The following GABRG3 variants were observed in gnomAD, a reference collection of about 807,000 sequenced individuals.
GABRG3 encodes the protein gamma-aminobutyric acid type A receptor subunit gamma3, also known as gamma-aminobutyric acid receptor subunit gamma-3.
A neutral mutation model predicts 48.8 loss-of-function variants in GABRG3; 25 were observed. The observed-to-expected ratio is 0.51, with a 90% confidence interval of 0.37 to 0.72. The LOEUF (loss-of-function observed/expected upper bound fraction) is 0.72, where lower values mean the gene tolerates loss of function less well. Ranked by LOEUF, GABRG3 falls within the 30% of genes least tolerant of loss-of-function variation. The probability of loss-of-function intolerance (pLI) is 0.00; values close to 1 mark genes in which losing one functional copy is unlikely to be tolerated. For synonymous variants in GABRG3, 227 were observed against 217.6 expected (o/e 1.04, Z -0.38); for missense variants, 394 against 577.9 (o/e 0.68, Z 3.26).
At chr15:27,499,023 T>C (rs1012826079) in intron 6 of GABRG3, among the ~76,000 whole-genome samples, 1 of 152,170 alleles carries the variant, frequency 6.6e-6, no homozygotes, top group Non-Finnish European at 1.5e-5. Context: ...AGATATCTGC[T>C]CATCAGTACT....
intron 3 of GABRG3, among the ~76,000 whole-genome samples, chr15:27,168,144 A>C (rs1402198583): frequency 6.6e-6 from 1 of 152,094 alleles, no homozygotes; most frequent in Non-Finnish European, 1.5e-5. Context: ...GTTAAAAAAA[A>C]AAAAAGGGAA....
chr15:27,133,633 A>G (rs983022333), intron 3 of GABRG3, among the ~76,000 whole-genome samples: 2 of 152,208 alleles, frequency 1.3e-5, no homozygotes, highest in Non-Finnish European at 2.9e-5. Flanking sequence ...TTTGCTTTCT[A>G]AAATCCAAAT....
At chr15:27,240,941 A>T (rs1890112289) in intron 3 of GABRG3, among the ~76,000 whole-genome samples, 2 of 152,186 alleles carry the variant, frequency 1.3e-5, no homozygotes, top group African/African-American at 4.8e-5. Context: ...TTTCATATGG[A>T]ATCCTGATAA....
chr15:27,300,025 C>G (rs1892140414), intron 3 of GABRG3, among the ~76,000 whole-genome samples: 1 of 152,104 alleles, frequency 6.6e-6, no homozygotes, highest in Admixed American at 6.6e-5. Flanking sequence ...TGATAGACAG[C>G]TGCCTAGGTT....
rs1894910999 is a variant in GABRG3 at position 26,974,926 on chromosome 15, T to C, written c.54-2076T>C. ...TCTCGCTCTGTTGCCCAGGCTGGAG[T>C]GCAGTGACACTATCTCGGCTCACTG... On this transcript the variant is annotated intron_variant, in intron 1 of 9. Transcript: ENST00000615808. The surrounding 1 kb of genome is among the most constrained non-coding windows in gnomAD (Gnocchi z 4.3). 6.6e-6 allele frequency among the ~76,000 whole-genome samples: 1 copy of C among 150,664 alleles called. No individual in the cohort carries two copies. The highest frequency in any genetic ancestry group is 2.4e-5 in the African/African-American group (1 of 41,074).
intron 5 of GABRG3, among the ~76,000 whole-genome samples, chr15:27,334,318 T>A (rs1893894037): frequency 6.6e-6 from 1 of 152,088 alleles, no homozygotes; most frequent in Non-Finnish European, 1.5e-5. Context: ...GCATATACAC[T>A]TCTGTAAGCT....
intron 3 of GABRG3, among the ~76,000 whole-genome samples, chr15:27,054,406 A>G (rs1595496337): frequency 6.6e-6 from 1 of 152,160 alleles, no homozygotes; most frequent in African/African-American, 2.4e-5. Flanking sequence ...GTACCCCCTG[A>G]ATCTAAAATA....
chr15:27,010,248 T>G (rs1336670997), intron 2 of GABRG3, among the ~76,000 whole-genome samples: 1 of 152,206 alleles, frequency 6.6e-6, no homozygotes, highest in Admixed American at 6.5e-5. Flanking sequence ...GTGCCACCCC[T>G]CCTCCATAGG....
chr15:27,153,122 A>G (rs1898352204), intron 3 of GABRG3, among the ~76,000 whole-genome samples: 1 of 152,114 alleles, frequency 6.6e-6, no homozygotes, highest in South Asian at 2.1e-4. Context: ...CGGCCTCCCA[A>G]AGTGCTGGGA....
At chr15:27,027,870 T>C (rs1361715824) in intron 3 of GABRG3, among the ~76,000 whole-genome samples, 1 of 152,244 alleles carries the variant, frequency 6.6e-6, no homozygotes, top group African/African-American at 2.4e-5. Context: ...CCCTTTCTTA[T>C]GTATGTTTCT....
chr15:27,103,702 C>G (rs1897399900), intron 3 of GABRG3, among the ~76,000 whole-genome samples: 1 of 152,150 alleles, frequency 6.6e-6, no homozygotes. Context: ...ATTTGCCTTT[C>G]CATTCCTTGT....
chr15:27,171,301 T>A (rs954046946), intron 3 of GABRG3, among the ~76,000 whole-genome samples: 1 of 152,194 alleles, frequency 6.6e-6, no homozygotes, highest in Non-Finnish European at 1.5e-5. Flanking sequence ...TGGAATCCTT[T>A]CACTTTATTT....
intron 3 of GABRG3, among the ~76,000 whole-genome samples, chr15:27,154,877 C>G (rs765703956): frequency 6.6e-5 from 10 of 151,908 alleles, no homozygotes; most frequent in Admixed American, 6.6e-4. Context: ...CCTTCCTTAT[C>G]TATTTTCTGG....
intron 3 of GABRG3, among the ~76,000 whole-genome samples, chr15:27,222,291 A>C (rs1281813910): frequency 6.6e-6 from 1 of 152,370 alleles, no homozygotes; most frequent in East Asian, 1.9e-4. Flanking sequence ...CTAAGGCAGC[A>C]GTGCACCCAC....
intron 3 of GABRG3, among the ~76,000 whole-genome samples, chr15:27,213,421 G>T (rs949342949): frequency 6.6e-6 from 1 of 152,204 alleles, no homozygotes; most frequent in African/African-American, 2.4e-5. Context: ...AGGCACAAAA[G>T]GGCTGAAGAA....
intron 5 of GABRG3, among the ~76,000 whole-genome samples, chr15:27,434,465 G>A (rs1888548396): frequency 6.6e-6 from 1 of 152,018 alleles, no homozygotes; most frequent in Non-Finnish European, 1.5e-5. Flanking sequence ...GTAGTGAACA[G>A]TGAATGATTT....
rs1888970251 is a variant in GABRG3 at position 27,447,239 on chromosome 15, C to T, written c.575-33411C>T. 6.6e-6 allele frequency among the ~76,000 whole-genome samples: 1 copy of T among 152,086 alleles called. No individual in the cohort carries two copies. On this transcript the variant is annotated intron_variant, in intron 5 of 9. Coordinates refer to ENST00000615808, the MANE Select transcript of GABRG3 (RefSeq NM_033223.5). This position sits in a 1 kb window ranked among gnomAD's most constrained non-coding sequence, Gnocchi z 4.0. ...ACATAATTATAGGCAAAATCAGAGT[C>T]AAAAGAGACAGGCATGTCCCAGAAG...
intron 2 of GABRG3, among the ~76,000 whole-genome samples, chr15:27,005,342 A>G (rs1409571431): frequency 6.6e-6 from 1 of 152,176 alleles, no homozygotes; most frequent in Admixed American, 6.5e-5. Flanking sequence ...CTGGGACTAC[A>G]GGAGCAGGCC....
At chr15:27,478,097 T>C (rs1196884226) in intron 5 of GABRG3, among the ~76,000 whole-genome samples, 1 of 151,218 alleles carries the variant, frequency 6.6e-6, no homozygotes, top group African/African-American at 2.4e-5. Context: ...TGGAGATGGA[T>C]GCGCCATTGC....
Sources: gnomAD v4.1 joint callset for allele counts (sites outside exome capture counted in the v4.1 genomes callset) on GRCh38, gnomAD v4.1.1 for gene constraint, Gnocchi (gnomAD v3.1) non-coding constraint, MANE v1.5 for transcripts, NCBI Gene and HGNC (gene_info 2026-07-23, HGNC 2026-07-21) for gene names.